UTP20: variants seen among roughly 807,000 people sequenced by gnomAD.
UTP20 encodes UTP20 small subunit processome component.
A neutral mutation model predicts 329.5 loss-of-function variants in UTP20; 164 were observed. That is an observed-to-expected ratio of 0.50 (90% CI 0.44 to 0.57). The LOEUF is 0.57. Among genes scored for constraint, UTP20 ranks in the 20% least tolerant of loss-of-function variants. UTP20 has a pLI of 0.00. For synonymous variants in UTP20, 1,151 were observed against 1,159.3 expected (o/e 0.99, Z 0.14); for missense variants, 3,055 against 3,284.2 (o/e 0.93, Z 1.71).
At chr12:101,376,106 T>C (rs1230951526) in intron 56 of UTP20, among the ~76,000 whole-genome samples, 1 of 152,232 alleles carries the variant, frequency 6.6e-6, no homozygotes, top group Non-Finnish European at 1.5e-5. Context: ...TTTTGATGTA[T>C]GTACTTGTGG....
At position 101,373,444 on chromosome 12, in the gene UTP20, G is replaced by A. The variant is rs1032802610; in HGVS notation, c.6922G>A (p.Ala2308Thr). The A allele has an allele frequency of 2.7e-5, 44 of 1,613,828 alleles. No individual in the cohort carries two copies. The highest frequency in any genetic ancestry group is 5.0e-5 in the Admixed American group (3 of 59,968). ...TGRESTLEMI[A>T]YLFDTFPQGL... ...GAGAGAGTCCACCTTGGAAATGATC[G>A]CCTATCTCTTTGACACGTTCCCTCA... The change falls in exon 53 of 62, where the codon GCC (alanine) becomes ACC (threonine). Residue 2308 changes from alanine (A) to threonine (T), a missense_variant. Around this residue, in one of 3 missense-constraint regions of UTP20, gnomAD observed 273 missense variants for 363.1 expected, o/e 0.75. Transcript: ENST00000261637.
intron 47 of UTP20, among the ~76,000 whole-genome samples, chr12:101,367,276 C>A (rs765484401): frequency 5.3e-5 from 8 of 151,986 alleles, no homozygotes; most frequent in Non-Finnish European, 1.0e-4. Flanking sequence ...TATAGTGAGA[C>A]CCTGTCTCTA....
At chr12:101,385,186 C>T (rs547748864) in intron 60 of UTP20, among the ~76,000 whole-genome samples, 3 of 152,134 alleles carry the variant, frequency 2.0e-5, no homozygotes, top group Middle Eastern at 3.4e-3. Context: ...CTTTTCCCCC[C>T]ATCTGCAAGA....
At chr12:101,347,045 C>G (rs1363962755) in intron 38 of UTP20, among the ~76,000 whole-genome samples, 1 of 152,090 alleles carries the variant, frequency 6.6e-6, no homozygotes, top group African/African-American at 2.4e-5. Flanking sequence ...AGGGTAGGGA[C>G]TATTCTTCAA....
rs1872808289 is a variant in UTP20, at chr12:101,312,029, C to A, written c.2312-7C>A. On this transcript the variant is annotated splice_region_variant and splice_polypyrimidine_tract_variant and intron_variant, in intron 20 of 61. Coordinates refer to ENST00000261637, the MANE Select transcript of UTP20 (RefSeq NM_014503.3). ...TCTGGTGGTTATGACAACTTTCTTT[C>A]TTGCAGAGAAGGAACTACAGAATGA... 1 of 1,613,904 alleles carries A rather than the reference C, an allele frequency of 6.2e-7. No individual in the cohort carries two copies. The highest frequency in any genetic ancestry group is 1.3e-5 in the African/African-American group (1 of 74,912).
chr12:101,343,701 G>A (rs1172716436), intron 35 of UTP20, among the ~76,000 whole-genome samples: 1 of 152,154 alleles, frequency 6.6e-6, no homozygotes, highest in Non-Finnish European at 1.5e-5. Flanking sequence ...TATTAGAGAC[G>A]AGGTTTCACC....
At chr12:101,340,648 T>A in intron 32 of UTP20, 38 bp downstream of exon 32, 1 of 1,367,828 alleles carries the variant, frequency 7.3e-7, no homozygotes, top group East Asian at 2.3e-5. Flanking sequence ...GTCTCTAGAG[T>A]GGCACTTTAT....
At chr12:101,287,641 T>G (rs1422024701) in intron 5 of UTP20, among the ~76,000 whole-genome samples, 1 of 152,216 alleles carries the variant, frequency 6.6e-6, no homozygotes, top group Non-Finnish European at 1.5e-5. Context: ...GCCCATTTTC[T>G]GTCATTAATA....
At chr12:101,294,361 A>G (rs1565786286) in intron 11 of UTP20, among the ~76,000 whole-genome samples, 1 of 151,992 alleles carries the variant, frequency 6.6e-6, no homozygotes, top group African/African-American at 2.4e-5. Context: ...TTGGTTTGCT[A>G]GTTTTGGTTC....
chr12:101,338,850 T>C lies in UTP20; in HGVS notation c.3906T>C (p.His1302=), dbSNP rs142261987. The change falls in exon 31 of 62, where the codon CAT becomes CAC. Residue 1302 remains histidine (H), a synonymous_variant. Transcript: ENST00000261637. The stretch of plus-strand genomic sequence containing the variant: ...TAGGAGGAAGATTAATTCTACCTCA[T>C]GTACCTGCAATTCTTCAGTATCTCA... ...ITIGGRLILP[H]VPAILQYLSK... The C allele has an allele frequency of 5.1e-4, 825 of 1,611,810 alleles. 3 individuals are homozygous for C. The African/African-American group carries it at 9.5e-3, about 18-fold the overall frequency.
At chr12:101,371,244 C>A in intron 51 of UTP20, 76 bp downstream of exon 51, 1 of 1,047,116 alleles carries the variant, frequency 9.6e-7, no homozygotes, top group Non-Finnish European at 1.4e-6. Flanking sequence ...TCAACACTGG[C>A]TGAATTCTGA....
At chr12:101,281,992 C>T (rs61944203) in intron 2 of UTP20, among the ~76,000 whole-genome samples, 1 of 152,152 alleles carries the variant, frequency 6.6e-6, no homozygotes, top group African/African-American at 2.4e-5. Flanking sequence ...TGTGAGCCAC[C>T]ACGCCCGGCC....
At chr12:101,295,885 A>G (rs528898458) in intron 12 of UTP20, among the ~76,000 whole-genome samples, 1 of 152,352 alleles carries the variant, frequency 6.6e-6, no homozygotes, top group Non-Finnish European at 1.5e-5. Context: ...ATGTGGAAGG[A>G]TACAGAAACT....
In UTP20 at chr12:101,327,208, T is replaced by C. The variant is rs913167314; in HGVS notation, c.3169T>C (p.Leu1057=). 3.1e-6 allele frequency: 5 copies of C among 1,607,636 alleles called. No homozygotes were observed. The African/African-American group carries it at 6.7e-5, about 21-fold the overall frequency. The change falls in exon 26 of 62, where the codon TTA becomes CTA. Residue 1057 remains leucine (L), a synonymous_variant. Transcript: ENST00000261637. The part of the protein sequence containing the change: ...GTQPEEIQIF[L]DLLFEPVRHF... The stretch of plus-strand genomic sequence containing the variant: ...CCAACCTGAGGAGATCCAGATATTC[T>C]TAGACCTGCTGTTTGAACCTGTGAG...
At chr12:101,368,099 G>T in intron 48 of UTP20, 123 bp downstream of exon 48, 2 of 694,874 alleles carry the variant, frequency 2.9e-6, no homozygotes, top group Non-Finnish European at 4.8e-6. Context: ...GTTTTTGTTT[G>T]GTTGGTGGGT....
At chr12:101,292,264 A>G (rs1872183282) in intron 10 of UTP20, among the ~76,000 whole-genome samples, 160 bp downstream of exon 10, 1 of 152,220 alleles carries the variant, frequency 6.6e-6, no homozygotes, top group African/African-American at 2.4e-5. Flanking sequence ...GTAAATAAAC[A>G]AAATAAAGTG....
intron 2 of UTP20, 82 bp downstream of exon 2, chr12:101,281,278 A>G: frequency 8.0e-7 from 1 of 1,243,048 alleles, no homozygotes; most frequent in Non-Finnish European, 1.2e-6. Context: ...ATTGTTTTTC[A>G]AGGTATTCCT....
chr12:101,309,085 A>G (rs187716869), intron 18 of UTP20, among the ~76,000 whole-genome samples: 30 of 152,286 alleles, frequency 2.0e-4, no homozygotes, highest in Admixed American at 9.8e-4. Context: ...TTGAAGATAC[A>G]TCACAGACCT....
At chr12:101,282,281 C>A (rs191575145) in intron 2 of UTP20, among the ~76,000 whole-genome samples, 1 of 152,004 alleles carries the variant, frequency 6.6e-6, no homozygotes, top group African/African-American at 2.4e-5. Flanking sequence ...GTCAAAAAAA[C>A]GGTGATCTAG....
Sources: gnomAD v4.1 joint callset for allele counts (sites outside exome capture counted in the v4.1 genomes callset) on GRCh38, gnomAD v4.1.1 for gene constraint, gnomAD v4.1.1 regional missense constraint, MANE v1.5 for transcripts, NCBI Gene and HGNC (gene_info 2026-07-23, HGNC 2026-07-21) for gene names.